CTNNB1: variants seen among roughly 807,000 people sequenced by gnomAD.
The protein encoded by CTNNB1 is catenin beta-1.
Under a neutral mutation model 82.5 loss-of-function variants are expected in CTNNB1, and 6 were observed. The ratio of observed to expected loss-of-function variants is 0.07; its 90% CI spans 0.04 to 0.14. The LOEUF (loss-of-function observed/expected upper bound fraction) is 0.14, where lower values mean the gene tolerates loss of function less well. Ranked by LOEUF, CTNNB1 falls within the 10% of genes least tolerant of loss-of-function variation. CTNNB1 has a pLI of 1.00. For missense variants in CTNNB1, 529 were observed against 980.4 expected, an observed-to-expected ratio of 0.54 and a Z score of 6.15; for synonymous variants, 312 against 329.7, an observed-to-expected ratio of 0.95 and a Z score of 0.58.
Position 41,224,794 on chromosome 3 carries a change from T to C in CTNNB1, c.241+41T>C, listed in dbSNP as rs564912197. ...TTCATTGCCTTACTGAAAGTCAGAA[T>C]GCAGTTTTGAGAACTAAAAAGTTAG... is the stretch of plus-strand genomic sequence containing the variant. On this transcript the variant is annotated intron_variant, in intron 3 of 14. Transcript: ENST00000349496. The C allele has an allele frequency of 5.6e-5, 89 of 1,602,810 alleles. No homozygotes were observed. In the South Asian group the frequency reaches 8.9e-4, roughly 16 times the overall value.
chr3:41,220,897 C>T (rs1236312143), intron 1 of CTNNB1: 1 of 152,150 alleles, frequency 6.6e-6, no homozygotes, highest in Admixed American at 6.5e-5. Flanking sequence ...AAAATAACTT[C>T]AGTGTGAAAT....
intron 1 of CTNNB1, among the ~76,000 whole-genome samples, chr3:41,223,231 A>G (rs2078093072): frequency 6.6e-6 from 1 of 152,178 alleles, no homozygotes. Flanking sequence ...TGAGCCCTTA[A>G]ACTGTTCTAA....
intron 7 of CTNNB1, among the ~76,000 whole-genome samples, chr3:41,229,783 T>C (rs2078262833): frequency 6.6e-6 from 1 of 152,190 alleles, no homozygotes. Flanking sequence ...CTGAGTATTT[T>C]TAAGAAGGCA....
Position 41,239,515 on chromosome 3 carries a change from T to C in CTNNB1, c.*173T>C. 1.6e-6 allele frequency: 1 copy of C among 639,694 alleles called. No homozygotes were observed. Among genetic ancestry groups the C allele is most frequent in the Non-Finnish European group, 2.8e-6 (1 of 360,988 alleles). The allele number at this position is 639,694 out of a possible 1,614,324, so 39.6% of individuals were successfully genotyped here. ...AAGGAGATGTCTTGGAACATTGGAATGTTCTCAGATTTCTGGTTGTTATGT... is the reference window on the plus strand; with the variant it reads ...AAGGAGATGTCTTGGAACATTGGAACGTTCTCAGATTTCTGGTTGTTATGT... On this transcript the variant is annotated 3_prime_UTR_variant, in exon 15 of 15. Transcript: ENST00000349496.
rs367702538 is a variant in CTNNB1, at chr3:41,232,395, G to T, written c.1082-946G>T. 7.1e-4 allele frequency among the ~76,000 whole-genome samples: 108 copies of T among 152,264 alleles called. 8 individuals are homozygous for T. In the South Asian group the frequency reaches 0.022, roughly 31 times the overall value. On this transcript the variant is annotated intron_variant, in intron 7 of 14. Coordinates refer to ENST00000349496, the MANE Select transcript of CTNNB1 (RefSeq NM_001904.4). ...AAGGAACCCAACAGAGGTGATCTTT[G>T]TCTTGTAGGGAAAGTGGAGTAACTT...
chr3:41,208,637 C>T (rs977903115), intron 1 of CTNNB1, among the ~76,000 whole-genome samples: 4 of 152,310 alleles, frequency 2.6e-5, no homozygotes, highest in East Asian at 1.9e-4. Flanking sequence ...CTCGTATACA[C>T]GTTTAACAAT....
chr3:41,200,272 A>G (rs890000852), intron 1 of CTNNB1: 1 of 152,148 alleles, frequency 6.6e-6, no homozygotes, highest in African/African-American at 2.4e-5. Flanking sequence ...AATCGAAGCA[A>G]CTTTAAACCT....
At chr3:41,203,038 T>C (rs1203081947) in intron 1 of CTNNB1, among the ~76,000 whole-genome samples, 1 of 2,054 alleles carries the variant, frequency 4.9e-4, no homozygotes, top group Non-Finnish European at 0.016. Flanking sequence ...TTAGCCACTT[T>C]TTTTTTTTTT....
intron 1 of CTNNB1, among the ~76,000 whole-genome samples, chr3:41,205,750 C>T (rs533971937): frequency 2.0e-5 from 3 of 152,058 alleles, no homozygotes; most frequent in African/African-American, 7.3e-5. Flanking sequence ...AATCATAGGC[C>T]GGTGTTGGTT....
intron 1 of CTNNB1, among the ~76,000 whole-genome samples, chr3:41,216,374 T>C (rs894806705): frequency 2.6e-5 from 4 of 152,258 alleles, no homozygotes; most frequent in African/African-American, 9.6e-5. Context: ...GACTTTGTAA[T>C]GCAGTTGATT....
rs2078444931 is a variant in CTNNB1, at chr3:41,236,699, C to T, written c.2066C>T (p.Ala689Val). Residue 689 changes from alanine to valine, a missense_variant, in exon 13 of 15, where the codon GCT (alanine) becomes GTT (valine). Around this residue, in one of 4 missense-constraint regions of CTNNB1, gnomAD observed 102 missense variants for 130.8 expected, o/e 0.78. Transcript: ENST00000349496. ...TSSLFRTEPM[A>V]WNETADLGLD... ...TCTCTCTTCAGAACAGAGCCAATGG[C>T]TTGGAATGAGGTAGGGAAATGTGAG... The T allele has an allele frequency of 6.2e-7, 1 of 1,614,132 alleles. No individual in the cohort carries two copies. Among genetic ancestry groups the T allele is most frequent in the Non-Finnish European group, 8.5e-7 (1 of 1,179,984 alleles).
chr3:41,234,377 T>G (rs1351725776), intron 10 of CTNNB1, 80 bp downstream of exon 10: 24 of 1,418,198 alleles, frequency 1.7e-5, no homozygotes, highest in Non-Finnish European at 2.2e-5. Flanking sequence ...CTTTCTTTGG[T>G]CATTGGTTCC....
intron 7 of CTNNB1, chr3:41,233,045 TGAAAA>T: frequency 4.1e-6 from 2 of 487,272 alleles, no homozygotes; most frequent in Non-Finnish European, 7.5e-6. Flanking sequence ...ATTGAATGGA[TGAAAA>T]GAAATGAGTA....
At chr3:41,224,807 A>C (rs1575315943) in intron 3 of CTNNB1, 54 bp downstream of exon 3, 1 of 1,596,036 alleles carries the variant, frequency 6.3e-7, no homozygotes, top group East Asian at 2.2e-5. Flanking sequence ...AGTTTTGAGA[A>C]CTAAAAAGTT....
At chr3:41,199,847 G>GGGC (rs2077481655) in intron 1 of CTNNB1, 177 bp downstream of exon 1, 1 of 151,622 alleles carries the variant, frequency 6.6e-6, no homozygotes, top group Admixed American at 6.6e-5. Flanking sequence ...GGGGCGCGGA[G>GGGC]GGCGGCGGCC....
At chr3:41,235,592 T>TCTTC in intron 10 of CTNNB1, 132 bp from the exon 11 acceptor site, 1 of 1,212,582 alleles carries the variant, frequency 8.2e-7, no homozygotes. Context: ...ATGGAATCCT[T>TCTTC]CTTCCTTCCT....
chr3:41,212,729 C>T (rs55973548), intron 1 of CTNNB1, among the ~76,000 whole-genome samples: 90 of 152,266 alleles, frequency 5.9e-4, no homozygotes, highest in Non-Finnish European at 1.1e-3. Flanking sequence ...TTTAGAAACT[C>T]CTGTTTTTCT....
intron 10 of CTNNB1, chr3:41,234,962 T>C (rs975423432): frequency 1.9e-5 from 3 of 156,770 alleles, no homozygotes; most frequent in African/African-American, 7.2e-5. Context: ...GCTTTGTGTA[T>C]GTACTCATAT....
chr3:41,222,158 G>A (rs571036945), intron 1 of CTNNB1: 1 of 152,350 alleles, frequency 6.6e-6, no homozygotes, highest in East Asian at 1.9e-4. Context: ...ATGGTTGGCA[G>A]GGTGTGGTGG....
Sources: gnomAD v4.1 joint callset for allele counts (sites outside exome capture counted in the v4.1 genomes callset) on GRCh38, gnomAD v4.1.1 for gene constraint, gnomAD v4.1.1 regional missense constraint, MANE v1.5 for transcripts, NCBI Gene and HGNC (gene_info 2026-07-23, HGNC 2026-07-21) for gene names.